LIMK2: variants seen among roughly 807,000 people sequenced by gnomAD.
The protein encoded by LIMK2 is LIM domain kinase 2.
In LIMK2, 35 loss-of-function variants were observed where a neutral mutation model predicts 75.7. The ratio of observed to expected loss-of-function variants is 0.46; its 90% CI spans 0.35 to 0.61. The LOEUF is 0.61. LIMK2 is among the 20% of genes least tolerant of loss of function. The probability of loss-of-function intolerance (pLI) is 0.00; values close to 1 mark genes in which losing one functional copy is unlikely to be tolerated. For missense variants in LIMK2, 623 were observed against 831.0 expected, an observed-to-expected ratio of 0.75 and a Z score of 3.08; for synonymous variants, 301 against 319.2, an observed-to-expected ratio of 0.94 and a Z score of 0.61.
At chr22:31,272,130 G>A (rs1358255573) in intron 12 of LIMK2, among the ~76,000 whole-genome samples, 2 of 152,086 alleles carry the variant, frequency 1.3e-5, no homozygotes, top group Non-Finnish European at 2.9e-5. Context: ...GTGCAATCTT[G>A]GCTTACTGCA....
chr22:31,269,732 C>A (rs1214140464), intron 11 of LIMK2, among the ~76,000 whole-genome samples: 1 of 151,432 alleles, frequency 6.6e-6, no homozygotes, highest in Non-Finnish European at 1.5e-5. Context: ...CAAGATCACA[C>A]CACTGCATTC....
Position 31,212,352 on chromosome 22 carries a change from T to A in LIMK2, c.-57T>A. Reference sequence around the variant, plus strand: ...GGAGCTGAGGGGAGTTGTAGGGAACTGAGGGGAGCTGCTGTGTCCCCCGCC... The same window carrying A: ...GGAGCTGAGGGGAGTTGTAGGGAACAGAGGGGAGCTGCTGTGTCCCCCGCC... On this transcript the variant is annotated 5_prime_UTR_variant, in exon 1 of 16. Transcript: ENST00000331728. The A allele has an allele frequency of 7.5e-7, 1 of 1,325,642 alleles. No homozygotes were observed. Among genetic ancestry groups the A allele is most frequent in the South Asian group, 2.8e-5 (1 of 35,640 alleles). 82.1% of individuals were successfully genotyped at this position (1,325,642 alleles called of 1,614,324 possible).
At chr22:31,276,152 C>T (rs1178571491) in intron 15 of LIMK2, among the ~76,000 whole-genome samples, 2 of 152,152 alleles carry the variant, frequency 1.3e-5, no homozygotes, top group Non-Finnish European at 2.9e-5. Flanking sequence ...AGGAGAATTG[C>T]TTGAACCCAG....
chr22:31,223,139 G>A (rs987964823), intron 1 of LIMK2, among the ~76,000 whole-genome samples: 12 of 152,142 alleles, frequency 7.9e-5, no homozygotes, highest in Admixed American at 6.5e-5. Flanking sequence ...GTGAAGGACA[G>A]GGAAGGGCTA....
At chr22:31,258,198 T>A in intron 2 of LIMK2, 93 bp from the exon 3 acceptor site, 2 of 1,321,354 alleles carry the variant, frequency 1.5e-6, no homozygotes, top group Non-Finnish European at 2.1e-6. Flanking sequence ...AAGAGGACTG[T>A]CCATTTTGTT....
intron 12 of LIMK2, among the ~76,000 whole-genome samples, chr22:31,272,211 C>T (rs2048964923): frequency 6.6e-6 from 1 of 151,824 alleles, no homozygotes; most frequent in African/African-American, 2.4e-5. Flanking sequence ...CAGGCGTGTG[C>T]CACCACGCCC....
chr22:31,259,506 C>A (rs1198081038), intron 4 of LIMK2, among the ~76,000 whole-genome samples: 1 of 152,128 alleles, frequency 6.6e-6, no homozygotes, highest in Non-Finnish European at 1.5e-5. Context: ...ACATTAAAGT[C>A]AAAGACCCCT....
chr22:31,223,331 T>C (rs2048452348), intron 1 of LIMK2, among the ~76,000 whole-genome samples: 1 of 152,208 alleles, frequency 6.6e-6, no homozygotes, highest in Non-Finnish European at 1.5e-5. Flanking sequence ...TAACAAGTTA[T>C]CTTGAATATC....
intron 2 of LIMK2, among the ~76,000 whole-genome samples, chr22:31,235,126 G>A (rs1277690853): frequency 6.6e-6 from 1 of 152,128 alleles, no homozygotes; most frequent in South Asian, 2.1e-4. Context: ...GAACAATTTG[G>A]TCATGGACTG....
At chr22:31,236,310 A>C (rs1313555216) in intron 2 of LIMK2, among the ~76,000 whole-genome samples, 1 of 150,962 alleles carries the variant, frequency 6.6e-6, no homozygotes, top group Non-Finnish European at 1.5e-5. Flanking sequence ...AAAAAAAAAA[A>C]ACAAACTGGA....
At chr22:31,217,568 C>T (rs1214538141) in intron 1 of LIMK2, among the ~76,000 whole-genome samples, 1 of 152,198 alleles carries the variant, frequency 6.6e-6, no homozygotes, top group East Asian at 1.9e-4. Context: ...CTCATACTTG[C>T]GTAGTGCTTA....
chr22:31,246,565 G>A (rs1601418922), intron 2 of LIMK2, among the ~76,000 whole-genome samples: 1 of 151,856 alleles, frequency 6.6e-6, no homozygotes, highest in African/African-American at 2.4e-5. Context: ...CTTGACCTGT[G>A]CTCTAGAGCC....
In LIMK2 at chr22:31,272,705, G is replaced by A; in HGVS notation, c.1558+1G>A. 6.2e-7 allele frequency: 1 copy of A among 1,601,058 alleles called. No homozygotes were observed. Among genetic ancestry groups the A allele is most frequent in the Non-Finnish European group, 8.5e-7 (1 of 1,173,636 alleles). On this transcript the variant is annotated splice_donor_variant, in intron 13 of 15. Transcript: ENST00000331728. LOFTEE classifies it high-confidence loss of function. Reference sequence around the variant, plus strand: ...TGGATGGCCCCTGAGATGCTGAACGGTGAGTCCTGAAGCCCTGGAGGGGAC... The same window carrying A: ...TGGATGGCCCCTGAGATGCTGAACGATGAGTCCTGAAGCCCTGGAGGGGAC...
chr22:31,224,492 C>T (rs2048462594), intron 1 of LIMK2, among the ~76,000 whole-genome samples: 1 of 152,226 alleles, frequency 6.6e-6, no homozygotes, highest in African/African-American at 2.4e-5. Context: ...AGATCCACCA[C>T]TTAGCTAGTC....
intron 1 of LIMK2, among the ~76,000 whole-genome samples, chr22:31,220,097 A>G (rs925743558): frequency 9.9e-5 from 15 of 151,942 alleles, no homozygotes; most frequent in Admixed American, 2.0e-4. Flanking sequence ...CCTAGAATAA[A>G]GGTGGTAAGA....
intron 15 of LIMK2, chr22:31,277,181 T>A: frequency 6.2e-7 from 1 of 1,612,038 alleles, no homozygotes; most frequent in African/African-American, 1.3e-5. Flanking sequence ...CATAGGACAA[T>A]CGCTACCCCC....
intron 2 of LIMK2, among the ~76,000 whole-genome samples, chr22:31,254,197 C>G (rs904308930): frequency 2.0e-5 from 3 of 152,228 alleles, no homozygotes; most frequent in Non-Finnish European, 2.9e-5. Context: ...CTGGGCCTGG[C>G]CAGAGCTACT....
chr22:31,217,558 C>T (rs559452977), intron 1 of LIMK2, among the ~76,000 whole-genome samples: 2 of 152,360 alleles, frequency 1.3e-5, no homozygotes, highest in East Asian at 3.9e-4. Flanking sequence ...ATTCAGTTAG[C>T]TCATACTTGC....
intron 4 of LIMK2, 50 bp downstream of exon 4, chr22:31,259,280 G>T: frequency 8.3e-7 from 1 of 1,207,864 alleles, no homozygotes; most frequent in South Asian, 1.2e-5. Flanking sequence ...AGTGGCTGGC[G>T]GGGAGGGACA....
Sources: gnomAD v4.1 joint callset for allele counts (sites outside exome capture counted in the v4.1 genomes callset) on GRCh38, gnomAD v4.1.1 for gene constraint, MANE v1.5 for transcripts, NCBI Gene and HGNC (gene_info 2026-07-23, HGNC 2026-07-21) for gene names.